RASGRF2: variants seen among roughly 807,000 people sequenced by gnomAD.
The protein encoded by RASGRF2 is ras-specific guanine nucleotide-releasing factor 2.
A neutral mutation model predicts 151.0 loss-of-function variants in RASGRF2; 76 were observed. The observed-to-expected ratio is 0.50, with a 90% CI of 0.42 to 0.61. RASGRF2 has a LOEUF of 0.61. Among genes scored for constraint, RASGRF2 ranks in the 20% least tolerant of loss-of-function variants. The probability of loss-of-function intolerance (pLI) is 0.00; values close to 1 mark genes in which losing one functional copy is unlikely to be tolerated. For missense variants in RASGRF2, 1,148 were observed against 1,564.6 expected (o/e 0.73, Z 4.49); for synonymous variants, 504 against 566.5 (o/e 0.89, Z 1.57).
At chr5:81,056,172 T>G (rs1293071009) in intron 2 of RASGRF2, among the ~76,000 whole-genome samples, 1 of 152,192 alleles carries the variant, frequency 6.6e-6, no homozygotes, top group African/African-American at 2.4e-5. Flanking sequence ...TCTGCTGGCT[T>G]TTGAATGTGT....
At chr5:81,123,561 C>A in intron 15 of RASGRF2, 81 bp from the exon 16 acceptor site, 12 of 1,492,346 alleles carry the variant, frequency 8.0e-6, no homozygotes, top group Non-Finnish European at 1.1e-5. Context: ...CTGTAATGAA[C>A]TTTTGTTTCC....
intron 1 of RASGRF2, among the ~76,000 whole-genome samples, chr5:80,963,618 A>T (rs1337620401): frequency 6.6e-6 from 1 of 152,204 alleles, no homozygotes; most frequent in Non-Finnish European, 1.5e-5. Context: ...AGATTCAGAG[A>T]TTACCAGTGT....
intron 14 of RASGRF2, 62 bp from the exon 15 acceptor site, chr5:81,113,476 G>A: frequency 6.8e-7 from 1 of 1,474,136 alleles, no homozygotes; most frequent in South Asian, 1.3e-5. Flanking sequence ...GTTCTTGAAT[G>A]ACATCTGGGA....
intron 18 of RASGRF2, among the ~76,000 whole-genome samples, chr5:81,183,021 A>T (rs903731515): frequency 3.9e-5 from 6 of 152,346 alleles, no homozygotes; most frequent in African/African-American, 1.2e-4. Flanking sequence ...TTCACTTTGT[A>T]CTAGTTGAGT....
chr5:81,059,975 C>G (rs967368801), intron 2 of RASGRF2, among the ~76,000 whole-genome samples: 1 of 152,152 alleles, frequency 6.6e-6, no homozygotes, highest in African/African-American at 2.4e-5. Flanking sequence ...CTGGAGAGAC[C>G]GCAGGAAGCT....
intron 1 of RASGRF2, among the ~76,000 whole-genome samples, chr5:81,015,992 A>T (rs1296988879): frequency 6.6e-6 from 1 of 152,228 alleles, no homozygotes; most frequent in Non-Finnish European, 1.5e-5. Context: ...CTTATAAAAG[A>T]CTTAGTCATC....
chr5:80,984,272 A>G (rs913916121), intron 1 of RASGRF2, among the ~76,000 whole-genome samples: 1 of 152,132 alleles, frequency 6.6e-6, no homozygotes, highest in African/African-American at 2.4e-5. Flanking sequence ...TCAGCTGGTC[A>G]CGAGCTCCTG....
At chr5:81,180,351 T>C in intron 18 of RASGRF2, 70 bp downstream of exon 18, 4 of 927,104 alleles carry the variant, frequency 4.3e-6, no homozygotes, top group Non-Finnish European at 7.1e-6. Context: ...TTGTGACACA[T>C]GTAAAACACC....
At chr5:81,045,024 C>T (rs1750793534) in intron 2 of RASGRF2, among the ~76,000 whole-genome samples, 1 of 152,126 alleles carries the variant, frequency 6.6e-6, no homozygotes. Context: ...GTCATCATGA[C>T]CCCGGCACAT....
At chr5:80,963,656 C>T (rs1474664461) in intron 1 of RASGRF2, among the ~76,000 whole-genome samples, 3 of 152,066 alleles carry the variant, frequency 2.0e-5, no homozygotes, top group African/African-American at 7.2e-5. Context: ...TCTGAAAAGC[C>T]GAGGACAAGC....
Position 80,995,684 on chromosome 5 carries a change from T to TTCC in RASGRF2, c.288+34658_288+34659insTCC, listed in dbSNP as rs759339620. Among the ~76,000 whole-genome samples the TTCC allele has an allele frequency of 1.9e-3, 129 of 69,450 alleles. 2 individuals are homozygous for TTCC. Among genetic ancestry groups the TTCC allele is most frequent in the Middle Eastern group, 9.8e-3 (1 of 102 alleles). The allele number at this position is 69,450 out of a possible 152,430, so 45.6% of individuals were successfully genotyped here. A position where few individuals can be genotyped will look rare whatever the true frequency, so the allele number is the denominator to read the frequency against. On this transcript the variant is annotated intron_variant, in intron 1 of 26. Transcript: ENST00000265080. The stretch of plus-strand genomic sequence containing the variant: ...CAAATCATTGTTTCTTTCCTTTCCT[T>TTCC]CCCCCCCCCTTTTTTTTTTTTTTTT...
chr5:81,085,695 A>G, intron 7 of RASGRF2, 107 bp from the exon 8 acceptor site: 1 of 1,506,326 alleles, frequency 6.6e-7, no homozygotes, highest in Non-Finnish European at 8.9e-7. Context: ...AACAGTAAAA[A>G]GTGGGAGAGT....
At chr5:81,205,666 A>G (rs1017755802) in intron 19 of RASGRF2, among the ~76,000 whole-genome samples, 1 of 152,208 alleles carries the variant, frequency 6.6e-6, no homozygotes, top group Non-Finnish European at 1.5e-5. Context: ...TTCATATCGC[A>G]TAAATCTTTC....
At position 81,215,267 on chromosome 5, in the gene RASGRF2, C is replaced by CTT. The variant is rs772223510; in HGVS notation, c.3355-589_3355-588dup. Among the ~76,000 whole-genome samples the CTT allele has an allele frequency of 1.4e-3, 171 of 119,736 alleles. 1 individual carries two copies. The highest frequency in any genetic ancestry group is 2.0e-3 in the East Asian group (8 of 4,000). 78.6% of individuals were successfully genotyped at this position (119,736 alleles called of 152,430 possible). A position where few individuals can be genotyped will look rare whatever the true frequency, so the allele number is the denominator to read the frequency against. On this transcript the variant is annotated intron_variant, in intron 23 of 26. Transcript: ENST00000265080. ...GACAAGCACATGCTGAATATAGAATCTTTTTTTTTTTTTTTTTTTTTGAGA... is the reference window on the plus strand; with the variant it reads ...GACAAGCACATGCTGAATATAGAATCTTTTTTTTTTTTTTTTTTTTTTTGAGA...
intron 3 of RASGRF2, among the ~76,000 whole-genome samples, chr5:81,069,798 T>C (rs1464635714): frequency 6.6e-6 from 1 of 152,152 alleles, no homozygotes; most frequent in Non-Finnish European, 1.5e-5. Flanking sequence ...TCTGTATAGG[T>C]TCTTAAGCTT....
intron 4 of RASGRF2, among the ~76,000 whole-genome samples, chr5:81,071,036 C>A (rs948990633): frequency 3.9e-5 from 6 of 152,158 alleles, no homozygotes; most frequent in Non-Finnish European, 8.8e-5. Context: ...TTAACATCCA[C>A]ACAATCAGCA....
At chr5:81,139,077 G>A (rs892030550) in intron 17 of RASGRF2, among the ~76,000 whole-genome samples, 1 of 152,078 alleles carries the variant, frequency 6.6e-6, no homozygotes, top group Non-Finnish European at 1.5e-5. Context: ...TTCTCTCAGC[G>A]ATATTTTATA....
At chr5:81,183,395 G>T (rs77926720) in intron 18 of RASGRF2, 10,340 of 852,596 alleles carry the variant, frequency 0.012, 83 homozygotes, top group Non-Finnish European at 0.013. Flanking sequence ...GGGGTTAGGG[G>T]TTGGTTCTCC....
chr5:81,169,791 A>AACCTGCACCACCTGCATC (rs1213009968), intron 17 of RASGRF2, among the ~76,000 whole-genome samples: 17 of 150,978 alleles, frequency 1.1e-4, no homozygotes, highest in African/African-American at 1.7e-4. Flanking sequence ...CCTTTGCCCA[A>AACCTGCACCACCTGCATC]ACCTGCACCA....
Sources: gnomAD v4.1 joint callset for allele counts (sites outside exome capture counted in the v4.1 genomes callset) on GRCh38, gnomAD v4.1.1 for gene constraint, MANE v1.5 for transcripts, NCBI Gene and HGNC (gene_info 2026-07-23, HGNC 2026-07-21) for gene names.